The following SUPT3H variants were observed in gnomAD, a reference collection of about 807,000 sequenced individuals.
SUPT3H encodes transcription initiation protein SPT3 homolog.
In SUPT3H, 44 loss-of-function variants were observed where a neutral mutation model predicts 44.3. The observed-to-expected ratio is 0.99, with a 90% CI of 0.78 to 1.28. The LOEUF (loss-of-function observed/expected upper bound fraction) is 1.28. Ranked by LOEUF, SUPT3H falls within the 50% of genes most tolerant of loss-of-function variation. The probability of loss-of-function intolerance (pLI) is 0.00; values close to 1 mark genes in which losing one functional copy is unlikely to be tolerated. For synonymous variants in SUPT3H, 124 were observed against 125.6 expected (o/e 0.99, Z 0.09); for missense variants, 380 against 387.1 (o/e 0.98, Z 0.15).
chr6:45,181,007 C>G (rs1192288229), intron 2 of SUPT3H, among the ~76,000 whole-genome samples: 1 of 150,500 alleles, frequency 6.6e-6, no homozygotes, highest in Non-Finnish European at 1.5e-5. Flanking sequence ...ACAATGAACT[C>G]AAACAAATTT....
chr6:44,888,804 T>C (rs896860158), intron 10 of SUPT3H, among the ~76,000 whole-genome samples: 6 of 151,820 alleles, frequency 4.0e-5, no homozygotes, highest in African/African-American at 9.7e-5. Context: ...GGTATTCAAT[T>C]AGGAAAAGAA....
chr6:45,000,626 A>T (rs907359222), intron 6 of SUPT3H, among the ~76,000 whole-genome samples: 1 of 152,048 alleles, frequency 6.6e-6, no homozygotes, highest in African/African-American at 2.4e-5. Context: ...AGGTTAAGCA[A>T]ATTCAGATGA....
intron 10 of SUPT3H, among the ~76,000 whole-genome samples, chr6:44,839,894 G>T (rs1246110469): frequency 6.6e-6 from 1 of 152,096 alleles, no homozygotes; most frequent in African/African-American, 2.4e-5. Context: ...TAGAGATGGG[G>T]TTTCACCGTG....
chr6:45,216,961 T>A (rs893684715), intron 2 of SUPT3H, among the ~76,000 whole-genome samples: 1 of 152,104 alleles, frequency 6.6e-6, no homozygotes, highest in African/African-American at 2.4e-5. Flanking sequence ...AAGTAGGGCA[T>A]AGAATAGTAG....
chr6:45,273,488 C>T (rs1256526165), intron 2 of SUPT3H, among the ~76,000 whole-genome samples: 3 of 152,116 alleles, frequency 2.0e-5, no homozygotes, highest in African/African-American at 7.2e-5. Context: ...GATGTCTTAT[C>T]CATCTTAGTC....
intron 2 of SUPT3H, among the ~76,000 whole-genome samples, chr6:45,336,985 A>G (rs1047767085): frequency 6.6e-6 from 1 of 151,728 alleles, no homozygotes; most frequent in African/African-American, 2.4e-5. Context: ...AAACAGTGTG[A>G]TCTGAAAACT....
intron 2 of SUPT3H, among the ~76,000 whole-genome samples, chr6:45,303,417 T>C (rs1276390020): frequency 6.6e-6 from 1 of 151,674 alleles, no homozygotes; most frequent in East Asian, 1.9e-4. Context: ...CTCAAGCAAA[T>C]TAGCAACAAA....
intron 2 of SUPT3H, among the ~76,000 whole-genome samples, chr6:45,163,070 G>C (rs963911691): frequency 1.3e-5 from 2 of 152,140 alleles, no homozygotes; most frequent in Admixed American, 1.3e-4. Flanking sequence ...TATATTGCAA[G>C]AGAAGTGGGG....
chr6:45,035,244 G>A (rs1278804947), intron 3 of SUPT3H, among the ~76,000 whole-genome samples: 1 of 152,122 alleles, frequency 6.6e-6, no homozygotes, highest in Non-Finnish European at 1.5e-5. Flanking sequence ...ACCTGACACT[G>A]TTATGTGACT....
intron 10 of SUPT3H, among the ~76,000 whole-genome samples, chr6:44,889,056 C>G (rs1420123008): frequency 4.0e-5 from 6 of 151,092 alleles, no homozygotes; most frequent in Non-Finnish European, 8.8e-5. Flanking sequence ...ATCCAACTTA[C>G]AAGGGATGTG....
chr6:45,152,862 T>C (rs1437969404), intron 2 of SUPT3H, among the ~76,000 whole-genome samples: 3 of 152,118 alleles, frequency 2.0e-5, no homozygotes, highest in Admixed American at 1.3e-4. Flanking sequence ...AAAATATATA[T>C]ACATTTAAAT....
At chr6:45,148,885 G>C (rs1806498122) in intron 2 of SUPT3H, among the ~76,000 whole-genome samples, 1 of 152,014 alleles carries the variant, frequency 6.6e-6, no homozygotes, top group South Asian at 2.1e-4. Context: ...TGACTTGTAG[G>C]AGCAAATATG....
intron 4 of SUPT3H, 42 bp from the exon 5 acceptor site, chr6:45,014,933 T>C (rs1784027956): frequency 8.1e-7 from 1 of 1,237,870 alleles, no homozygotes; most frequent in Non-Finnish European, 1.1e-6. Flanking sequence ...AACCTATACA[T>C]ATATTCACTT....
chr6:45,285,636 A>G (rs1024540185), intron 2 of SUPT3H, among the ~76,000 whole-genome samples: 132 of 152,332 alleles, frequency 8.7e-4, no homozygotes, highest in African/African-American at 3.0e-3. Flanking sequence ...CATGGGTAGG[A>G]AGAATTAATA....
At chr6:44,838,546 C>T (rs1300716774) in intron 10 of SUPT3H, among the ~76,000 whole-genome samples, 1 of 151,968 alleles carries the variant, frequency 6.6e-6, no homozygotes. Flanking sequence ...TTAAGTAAGG[C>T]CAAGAGGAGA....
chr6:45,354,308 C>T (rs560687518), intron 2 of SUPT3H, among the ~76,000 whole-genome samples: 2 of 152,026 alleles, frequency 1.3e-5, no homozygotes, highest in Non-Finnish European at 2.9e-5. Context: ...GATCTGATAA[C>T]ATAGTTGTTC....
At chr6:45,252,499 G>A (rs1309637000) in intron 2 of SUPT3H, among the ~76,000 whole-genome samples, 2 of 151,912 alleles carry the variant, frequency 1.3e-5, no homozygotes, top group East Asian at 1.9e-4. Flanking sequence ...TAATTCACTC[G>A]TTTCCTATGA....
intron 2 of SUPT3H, among the ~76,000 whole-genome samples, chr6:45,195,522 A>C (rs1435596551): frequency 6.6e-6 from 1 of 152,174 alleles, no homozygotes; most frequent in East Asian, 1.9e-4. Context: ...AAGATGTAAC[A>C]AACTTTTAGA....
intron 2 of SUPT3H, among the ~76,000 whole-genome samples, chr6:45,274,022 T>C (rs1012748922): frequency 1.3e-5 from 2 of 152,226 alleles, no homozygotes; most frequent in Non-Finnish European, 1.5e-5. Flanking sequence ...GTAGTCATCA[T>C]TGTTGTTTTG....
Sources: gnomAD v4.1 joint callset for allele counts (sites outside exome capture counted in the v4.1 genomes callset) on GRCh38, gnomAD v4.1.1 for gene constraint, MANE v1.5 for transcripts, NCBI Gene and HGNC (gene_info 2026-07-23, HGNC 2026-07-21) for gene names.